Variants in DTD1 observed in about 807,000 individuals in gnomAD.
DTD1 encodes D-aminoacyl-tRNA deacylase 1, also known as D-tyrosyl-tRNA deacylase 1 homolog.
A neutral mutation model predicts 25.6 loss-of-function variants in DTD1; 13 were observed. The ratio of observed to expected loss-of-function variants is 0.51; its 90% CI spans 0.33 to 0.81. The LOEUF (loss-of-function observed/expected upper bound fraction) is 0.81. Among genes scored for constraint, DTD1 ranks in the 30% least tolerant of loss-of-function variants. The pLI is 0.02. For missense variants in DTD1, 193 were observed against 266.4 expected, an observed-to-expected ratio of 0.72 and a Z score of 1.92; for synonymous variants, 110 against 103.6, an observed-to-expected ratio of 1.06 and a Z score of -0.37.
intron 3 of DTD1, among the ~76,000 whole-genome samples, chr20:18,609,875 T>A (rs1204759694): frequency 6.6e-6 from 1 of 152,236 alleles, no homozygotes; most frequent in African/African-American, 2.4e-5. Flanking sequence ...TTTCCTACCC[T>A]ATGTCCACTG....
chr20:18,661,648 G>A (rs1209311706), intron 4 of DTD1, among the ~76,000 whole-genome samples: 3 of 152,112 alleles, frequency 2.0e-5, no homozygotes, highest in Non-Finnish European at 4.4e-5. Flanking sequence ...TGGGATTAGA[G>A]GCGTGAGCCA....
chr20:18,708,309 T>A (rs71331837), intron 4 of DTD1, among the ~76,000 whole-genome samples: 10,595 of 43,560 alleles, frequency 0.24, 2,061 homozygotes, highest in South Asian at 0.36. Context: ...TATATATATT[T>A]TATATATATA....
At chr20:18,748,428 A>T (rs2061309179) in intron 5 of DTD1, among the ~76,000 whole-genome samples, 1 of 152,208 alleles carries the variant, frequency 6.6e-6, no homozygotes, top group South Asian at 2.1e-4. Flanking sequence ...AAACATAACA[A>T]CTTAAAGACT....
intron 4 of DTD1, among the ~76,000 whole-genome samples, chr20:18,658,354 C>G (rs922935506): frequency 1.3e-5 from 2 of 150,794 alleles, no homozygotes. Context: ...GAGACAGAGT[C>G]TCGCTCTGTC....
At chr20:18,654,175 A>G (rs916434701) in intron 4 of DTD1, among the ~76,000 whole-genome samples, 2 of 152,254 alleles carry the variant, frequency 1.3e-5, no homozygotes, top group Non-Finnish European at 2.9e-5. Context: ...GATAGCTCCC[A>G]TAATCTTCCC....
At chr20:18,721,751 T>G (rs958645411) in intron 4 of DTD1, among the ~76,000 whole-genome samples, 1 of 152,146 alleles carries the variant, frequency 6.6e-6, no homozygotes, top group Non-Finnish European at 1.5e-5. Flanking sequence ...CTATTTTAAG[T>G]TTTATTTTAG....
chr20:18,646,064 A>G (rs2060849202), intron 4 of DTD1, among the ~76,000 whole-genome samples: 1 of 152,166 alleles, frequency 6.6e-6, no homozygotes. Context: ...TTAGGCGTCT[A>G]CCTCACATTT....
intron 4 of DTD1, among the ~76,000 whole-genome samples, chr20:18,652,051 T>C (rs2060876234): frequency 6.6e-6 from 1 of 152,204 alleles, no homozygotes; most frequent in Non-Finnish European, 1.5e-5. Context: ...TGAGAAGGCC[T>C]CATGGCAAAA....
intron 4 of DTD1, among the ~76,000 whole-genome samples, chr20:18,690,734 T>A (rs1242519011): frequency 6.6e-6 from 1 of 151,136 alleles, no homozygotes; most frequent in African/African-American, 2.5e-5. Flanking sequence ...CATGCTGTTT[T>A]GGTTACTGTA....
At chr20:18,640,629 ATTTTTTTT>A (rs61085364) in intron 4 of DTD1, among the ~76,000 whole-genome samples, 2 of 140,320 alleles carry the variant, frequency 1.4e-5, no homozygotes, top group South Asian at 2.3e-4. Context: ...TATCTGCAGA[ATTTTTTTT>A]TTTTTTTTTT....
intron 3 of DTD1, among the ~76,000 whole-genome samples, chr20:18,625,971 GGGCTTGCTCCCAGCCA>G (rs1188200187): frequency 6.6e-6 from 1 of 152,224 alleles, no homozygotes; most frequent in Non-Finnish European, 1.5e-5. Context: ...CAGCGAATGT[GGGCTTGCTCCCAGCCA>G]GGCCAAGAAG....
intron 4 of DTD1, among the ~76,000 whole-genome samples, chr20:18,700,824 G>C (rs889928343): frequency 6.6e-6 from 1 of 152,144 alleles, no homozygotes; most frequent in Non-Finnish European, 1.5e-5. Context: ...CTCAGAGGAA[G>C]GGGGACCTTG....
At chr20:18,697,265 C>T (rs1432723067) in intron 4 of DTD1, among the ~76,000 whole-genome samples, 2 of 151,842 alleles carry the variant, frequency 1.3e-5, no homozygotes, top group Non-Finnish European at 2.9e-5. Context: ...AGCAACATTA[C>T]AAAAACATTG....
At chr20:18,655,273 A>G (rs1450568282) in intron 4 of DTD1, among the ~76,000 whole-genome samples, 1 of 152,188 alleles carries the variant, frequency 6.6e-6, no homozygotes, top group East Asian at 1.9e-4. Flanking sequence ...TTACTACTGA[A>G]TTTATGTGAA....
intron 4 of DTD1, 23 bp from the exon 5 acceptor site, chr20:18,744,077 C>CT: frequency 6.4e-7 from 1 of 1,552,804 alleles, no homozygotes; most frequent in Non-Finnish European, 8.7e-7. Flanking sequence ...GTAAAATATT[C>CT]TTTTTTATTT....
At chr20:18,760,899 G>A (rs35462594) in intron 5 of DTD1, among the ~76,000 whole-genome samples, 22,020 of 152,196 alleles carry the variant, frequency 0.14, 1,695 homozygotes, top group Admixed American at 0.2. Context: ...CGAGCTTCCC[G>A]GCCGCTTTGT....
At chr20:18,691,627 A>G (rs1158610652) in intron 4 of DTD1, among the ~76,000 whole-genome samples, 1 of 152,210 alleles carries the variant, frequency 6.6e-6, no homozygotes, top group Non-Finnish European at 1.5e-5. Context: ...AAAGGAGGGA[A>G]GGGGATGTGG....
intron 4 of DTD1, among the ~76,000 whole-genome samples, chr20:18,683,324 T>C (rs985475524): frequency 5.9e-5 from 9 of 152,254 alleles, no homozygotes; most frequent in Admixed American, 5.9e-4. Context: ...CATTTTATTA[T>C]GTGACTCTTC....
chr20:18,608,636 T>C (rs2060672945), intron 3 of DTD1, among the ~76,000 whole-genome samples: 2 of 152,228 alleles, frequency 1.3e-5, no homozygotes. Flanking sequence ...GTAATAAGTC[T>C]TCAAAACTTT....
Sources: gnomAD v4.1 joint callset for allele counts (sites outside exome capture counted in the v4.1 genomes callset) on GRCh38, gnomAD v4.1.1 for gene constraint, MANE v1.5 for transcripts, NCBI Gene and HGNC (gene_info 2026-07-23, HGNC 2026-07-21) for gene names.